MINDY1: variants seen among roughly 807,000 people sequenced by gnomAD.
The protein encoded by MINDY1 is ubiquitin carboxyl-terminal hydrolase MINDY-1.
MINDY1 carries 50 observed loss-of-function variants against 53.6 expected under a neutral mutation model. The ratio of observed to expected loss-of-function variants is 0.93; its 90% CI spans 0.74 to 1.18. The LOEUF (loss-of-function observed/expected upper bound fraction) is 1.18, where lower values mean the gene tolerates loss of function less well. MINDY1 is among the 50% of genes most tolerant of loss of function. MINDY1 has a pLI of 0.00. For synonymous variants in MINDY1, 231 were observed against 234.7 expected, an observed-to-expected ratio of 0.98 and a Z score of 0.14; for missense variants, 484 against 578.6, an observed-to-expected ratio of 0.84 and a Z score of 1.68.
At position 151,006,759 on chromosome 1, in the gene MINDY1, T is replaced by G; in HGVS notation, c.-537A>C. On this transcript the variant is annotated 5_prime_UTR_variant, in exon 1 of 10. Transcript: ENST00000683666. The stretch of plus-strand genomic sequence containing the variant: ...GGAGGAGGAGGGGCCTGCCCAGCGC[T>G]GGTGGATTTCCATCAGGACTTTCTG... 1 of 985,618 alleles carries G rather than the reference T, an allele frequency of 1.0e-6. No homozygotes were observed. Among genetic ancestry groups the G allele is most frequent in the Non-Finnish European group, 1.2e-6 (1 of 830,080 alleles). The allele number at this position is 985,618 out of a possible 1,614,324, so 61.1% of individuals were successfully genotyped here. A position where few individuals can be genotyped will look rare whatever the true frequency, so the allele number is the denominator to read the frequency against.
At chr1:150,998,431 C>T (rs1231176989) in intron 7 of MINDY1, among the ~76,000 whole-genome samples, 158 bp from the exon 8 acceptor site, 2 of 152,156 alleles carry the variant, frequency 1.3e-5, no homozygotes, top group East Asian at 3.9e-4. Context: ...CTCTGCTCAC[C>T]GCAAGCTCTG....
upstream of MINDY1, chr1:151,008,101 A>C (rs1673426269): frequency 2.3e-6 from 1 of 442,086 alleles, no homozygotes; most frequent in African/African-American, 2.1e-5. Context: ...AAAGGGCAGA[A>C]TTTGTAGAAA....
At position 151,002,277 on chromosome 1, in the gene MINDY1, T is replaced by C. The variant is rs377539615; in HGVS notation, c.341A>G (p.Tyr114Cys). ...PRTRQPEPDF[Y>C]CVKWIPWKGE... ...TTTCCAAGGGATCCACTTGACACAG[T>C]AGAAATCTGGCTCAGGCTGTCGGGT... The change falls in exon 2 of 10, where the codon TAC (tyrosine) becomes TGC (cysteine). Residue 114 changes from tyrosine to cysteine, a missense_variant. Coordinates refer to ENST00000683666, the MANE Select transcript of MINDY1 (RefSeq NM_001376665.1). The surrounding 1 kb of genome is among the most constrained non-coding windows in gnomAD (Gnocchi z 4.1). The C allele has an allele frequency of 1.2e-5, 20 of 1,614,198 alleles. No individual in the cohort carries two copies. Among genetic ancestry groups the C allele is most frequent in the Middle Eastern group, 3.3e-4 (2 of 6,062 alleles).
At chr1:150,998,685 T>C (rs1672168659) in intron 7 of MINDY1, among the ~76,000 whole-genome samples, 1 of 152,174 alleles carries the variant, frequency 6.6e-6, no homozygotes, top group South Asian at 2.1e-4. Flanking sequence ...TACAAATATG[T>C]GTGGCCTTGG....
Position 150,998,125 on chromosome 1 carries a change from T to G in MINDY1, c.1130A>C (p.Glu377Ala), listed in dbSNP as rs1439595884. Reference protein sequence around the residue: ...SHSLGKGPGAEGGSGSPETQL... With the variant: ...SHSLGKGPGAAGGSGSPETQL... ...CGTTTCTGGGGAGCCACTCCCACCT[T>G]CTGCTCCAGGCCCCTTGCCCAGGGA... The change falls in exon 8 of 10, where the codon GAA (glutamate) becomes GCA (alanine). Residue 377 changes from glutamate to alanine, a missense_variant. Glu to Ala is a moderately radical substitution (Grantham distance 107, BLOSUM62 -1). Coordinates refer to ENST00000683666, the MANE Select transcript of MINDY1 (RefSeq NM_001376665.1). The G allele has an allele frequency of 2.5e-6, 4 of 1,613,648 alleles. No individual in the cohort carries two copies. Among genetic ancestry groups the G allele is most frequent in the Non-Finnish European group, 3.4e-6 (4 of 1,180,010 alleles).
chr1:151,007,985 G>A (rs1673411519), upstream of MINDY1, among the ~76,000 whole-genome samples: 1 of 152,212 alleles, frequency 6.6e-6, no homozygotes, highest in Admixed American at 6.5e-5. Context: ...AGAAGCAGCA[G>A]GAGTTGGCAG....
chr1:150,999,220 G>A lies in MINDY1; in HGVS notation c.981+149C>T, dbSNP rs1373984763. 1.2e-5 allele frequency: 14 copies of A among 1,128,794 alleles called. No individual in the cohort carries two copies. Among genetic ancestry groups the A allele is most frequent in the South Asian group, 4.3e-5 (3 of 70,350 alleles). The allele number at this position is 1,128,794 out of a possible 1,614,324, so 69.9% of individuals were successfully genotyped here. ...TCCACAGTGGACACGCACCAGGAGCGGGAAATGAACCTTTGTTGTGGTAAA... is the reference window on the plus strand; with the variant it reads ...TCCACAGTGGACACGCACCAGGAGCAGGAAATGAACCTTTGTTGTGGTAAA... On this transcript the variant is annotated intron_variant, in intron 7 of 9. Transcript: ENST00000683666. This position sits in a 1 kb window ranked among gnomAD's most constrained non-coding sequence, Gnocchi z 4.4.
chr1:151,000,558 C>T lies in MINDY1; in HGVS notation c.634G>A (p.Val212Met). The T allele has an allele frequency of 6.2e-7, 1 of 1,614,122 alleles. No individual in the cohort carries two copies. The highest frequency in any genetic ancestry group is 8.5e-7 in the Non-Finnish European group (1 of 1,180,024). Residue 212 changes from valine (V) to methionine (M), a missense_variant, in exon 5 of 10, where the codon GTG becomes ATG. Coordinates refer to ENST00000683666, the MANE Select transcript of MINDY1 (RefSeq NM_001376665.1). ...AAATCAGAGACGCCTGTGAATCGCA[C>T]ATTGACATCCAGACCTGTGGCCAGT... Reference protein sequence around the residue: ...PKLATGLDVNVRFTGVSDFEY... With the variant: ...PKLATGLDVNMRFTGVSDFEY...
chr1:150,997,124 C>G lies in MINDY1; in HGVS notation c.*163G>C, dbSNP rs112838429. On this transcript the variant is annotated 3_prime_UTR_variant, in exon 10 of 10. Transcript: ENST00000683666. ...CAGAGAAGGCAGCAGCACGTGAGGT[C>G]AAGGACATTACCAAGTCTGACCTTG... 24 of 718,436 alleles carry G rather than the reference C, an allele frequency of 3.3e-5. 1 individual carries two copies. The highest frequency in any genetic ancestry group is 1.8e-4 in the African/African-American group (10 of 56,420). The allele number at this position is 718,436 out of a possible 1,614,324, so 44.5% of individuals were successfully genotyped here.
upstream of MINDY1, among the ~76,000 whole-genome samples, chr1:151,007,621 T>TGG (rs1376522504): frequency 1.3e-5 from 2 of 152,108 alleles, no homozygotes; most frequent in African/African-American, 4.8e-5. Context: ...GATTTACAGC[T>TGG]GGGGAAGCAG....
chr1:150,998,652 G>T (rs772887765), intron 7 of MINDY1, among the ~76,000 whole-genome samples: 2 of 152,174 alleles, frequency 1.3e-5, no homozygotes, highest in Non-Finnish European at 2.9e-5. Flanking sequence ...CACCGCACCC[G>T]GACCCTGAGC....
intron 1 of MINDY1, among the ~76,000 whole-genome samples, chr1:151,005,454 CA>C (rs71580353): frequency 8.3e-4 from 59 of 70,916 alleles, no homozygotes; most frequent in Admixed American, 1.5e-3. Context: ...CTCTTGCCTC[CA>C]AAAAAAAAAA....
Position 150,997,308 on chromosome 1 carries a change from C to T in MINDY1, c.1389G>A (p.Glu463=), listed in dbSNP as rs775945770. 3 of 1,596,956 alleles carry T rather than the reference C, an allele frequency of 1.9e-6. No homozygotes were observed. The South Asian group carries it at 3.4e-5, about 18-fold the overall frequency. The change falls in exon 10 of 10, where the codon GAG becomes GAA. Residue 463 remains glutamate, a synonymous_variant. Coordinates refer to ENST00000683666, the MANE Select transcript of MINDY1 (RefSeq NM_001376665.1). Reference sequence around the variant, plus strand: ...AGAGCTACAGCAGAATGCAGTCTGACTCGTGCTTCGGCCTCTGCCGACGCT... The same window carrying T: ...AGAGCTACAGCAGAATGCAGTCTGATTCGTGCTTCGGCCTCTGCCGACGCT... ...AGERRQRPKH[E]SDCILL is the part of the protein sequence containing the mutation.
At chr1:151,008,349 G>T, upstream of MINDY1, 1 of 1,300,316 alleles carries the variant, frequency 7.7e-7, no homozygotes, top group South Asian at 1.6e-5. Context: ...GTCGCCCCAC[G>T]CCACGCCCCC....
At chr1:151,007,225 T>C (rs1435925284), upstream of MINDY1, among the ~76,000 whole-genome samples, 1 of 152,118 alleles carries the variant, frequency 6.6e-6, no homozygotes. Context: ...AGCCCCAGGC[T>C]CTGGGCGCGA....
Position 150,999,992 on chromosome 1 carries a change from C to A in MINDY1, c.736-28G>T. ...GCTTGGGTAGTGGGATGTGGGATAC[C>A]AAAAAAATTGGGATTTTTTTTTCTT... On this transcript the variant is annotated intron_variant, in intron 5 of 9. Coordinates refer to ENST00000683666, the MANE Select transcript of MINDY1 (RefSeq NM_001376665.1). This position sits in a 1 kb window ranked among gnomAD's most constrained non-coding sequence, Gnocchi z 4.4. 1.3e-6 allele frequency: 2 copies of A among 1,557,886 alleles called. No homozygotes were observed. Among genetic ancestry groups the A allele is most frequent in the Non-Finnish European group, 1.8e-6 (2 of 1,135,254 alleles).
Position 151,006,706 on chromosome 1 carries a change from A to T in MINDY1, c.-484T>A, listed in dbSNP as rs1451404749. ...CTCTTTTTTGTTCTCATCAGGACGA[A>T]GAAAAATTAGGCAAGGACAAGCTCC... is the stretch of plus-strand genomic sequence containing the variant. On this transcript the variant is annotated 5_prime_UTR_variant, in exon 1 of 10. Coordinates refer to ENST00000683666, the MANE Select transcript of MINDY1 (RefSeq NM_001376665.1). 1.4e-5 allele frequency: 14 copies of T among 985,506 alleles called. No homozygotes were observed. The highest frequency in any genetic ancestry group is 1.7e-5 in the African/African-American group (1 of 57,232). The allele number at this position is 985,506 out of a possible 1,614,324, so 61.0% of individuals were successfully genotyped here.
In MINDY1 at chr1:150,999,712, C is replaced by T; in HGVS notation, c.838+150G>A. 1.1e-6 allele frequency: 1 copy of T among 929,724 alleles called. No homozygotes were observed. 57.6% of individuals were successfully genotyped at this position (929,724 alleles called of 1,614,324 possible). A position where few individuals can be genotyped will look rare whatever the true frequency, so the allele number is the denominator to read the frequency against. On this transcript the variant is annotated intron_variant, in intron 6 of 9. Coordinates refer to ENST00000683666, the MANE Select transcript of MINDY1 (RefSeq NM_001376665.1). The surrounding 1 kb of genome is among the most constrained non-coding windows in gnomAD (Gnocchi z 4.4). ...TACCTTGTGCCAGGCACTGGGGATACCTCAATGAACTAAACAGAAATTCCC... is the reference window on the plus strand; with the variant it reads ...TACCTTGTGCCAGGCACTGGGGATATCTCAATGAACTAAACAGAAATTCCC...
intron 4 of MINDY1, 21 bp downstream of exon 4, chr1:151,001,229 C>A (rs774617350): frequency 6.2e-7 from 1 of 1,613,486 alleles, no homozygotes; most frequent in South Asian, 1.1e-5. Flanking sequence ...AACCCCTATG[C>A]CTGCAGACCT....
Sources: allele counts gnomAD v4.1 joint callset (sites outside exome capture counted in the v4.1 genomes callset), GRCh38; gene constraint gnomAD v4.1.1; non-coding constraint Gnocchi (gnomAD v3.1); transcripts MANE v1.5; gene names NCBI Gene and HGNC (gene_info 2026-07-23, HGNC 2026-07-21).